THOC2: variants seen among roughly 807,000 people sequenced by gnomAD.
THOC2 encodes the protein THO complex subunit 2.
Under a neutral mutation model 128.4 loss-of-function variants are expected in THOC2, and 10 were observed. The ratio of observed to expected loss-of-function variants is 0.08; its 90% CI spans 0.05 to 0.13. The LOEUF (loss-of-function observed/expected upper bound fraction) is 0.13. THOC2 is among the 10% of genes least tolerant of loss of function. The pLI is 1.00. For synonymous variants in THOC2, 393 were observed against 396.9 expected (o/e 0.99, Z 0.12); for missense variants, 535 against 1,155.7 (o/e 0.46, Z 7.79).
chrX:123,657,737 T>C (rs1171052338), intron 12 of THOC2, among the ~76,000 whole-genome samples: 1 of 111,276 alleles, frequency 9.0e-6, no homozygotes, highest in Non-Finnish European at 1.9e-5. Flanking sequence ...TGAGGGAATT[T>C]GTTGCCAGTA....
At chrX:123,639,068 A>G in intron 16 of THOC2, 41 bp from the exon 17 acceptor site, 1 of 733,680 alleles carries the variant, frequency 1.4e-6, no homozygotes, top group Non-Finnish European at 2.0e-6. Context: ...TTAACTGATC[A>G]AAGGATTTCT....
intron 12 of THOC2, among the ~76,000 whole-genome samples, chrX:123,657,228 C>T (rs1279675224): frequency 9.1e-6 from 1 of 109,855 alleles, no homozygotes; most frequent in Non-Finnish European, 1.9e-5. Context: ...TGATAAAAGG[C>T]AGAACAGAAT....
chrX:123,704,730 C>T (rs1021634221), intron 3 of THOC2, among the ~76,000 whole-genome samples: 1 of 111,141 alleles, frequency 9.0e-6, no homozygotes, highest in Non-Finnish European at 1.9e-5. Flanking sequence ...TGGTGGCATG[C>T]GCCTGTAATC....
intron 15 of THOC2, among the ~76,000 whole-genome samples, chrX:123,644,083 AAAT>A (rs1291218633): frequency 1.8e-5 from 2 of 112,532 alleles, no homozygotes; most frequent in African/African-American, 6.4e-5. Flanking sequence ...AATGATATGA[AAAT>A]AAAAGTGTAC....
At chrX:123,716,606 G>A (rs2051425638) in intron 1 of THOC2, among the ~76,000 whole-genome samples, 1 of 109,619 alleles carries the variant, frequency 9.1e-6, no homozygotes, top group Non-Finnish European at 1.9e-5. Context: ...GCAGGCGCGT[G>A]TAGACCCAGC....
At chrX:123,674,463 G>A (rs989977338) in intron 8 of THOC2, among the ~76,000 whole-genome samples, 1 of 111,939 alleles carries the variant, frequency 8.9e-6, no homozygotes, top group Admixed American at 9.5e-5. Flanking sequence ...TAAATCCAAA[G>A]TGAGTTCCTT....
intron 4 of THOC2, among the ~76,000 whole-genome samples, chrX:123,700,450 G>A (rs781072129): frequency 1.6e-4 from 16 of 100,224 alleles, no homozygotes; most frequent in East Asian, 1.3e-3. Context: ...GCAGCAAGCC[G>A]AGATTGCACC....
At chrX:123,698,269 C>T (rs916959583) in intron 4 of THOC2, among the ~76,000 whole-genome samples, 1 of 109,657 alleles carries the variant, frequency 9.1e-6, no homozygotes, top group South Asian at 3.9e-4. Context: ...ACCAGCCTGA[C>T]CAACATGGTG....
Position 123,621,495 on chromosome X carries a change from C to T in THOC2, c.3878G>A (p.Arg1293Lys). Residue 1293 changes from arginine to lysine, a missense_variant, in exon 31 of 39, where the codon AGG becomes AAG. Physicochemically the swap from Arg to Lys is conservative, Grantham distance 26. Coordinates refer to ENST00000245838, the MANE Select transcript of THOC2 (RefSeq NM_001081550.2). ...TTCTTTACCATCTTTACCAAGTACC[C>T]TGGCCTCTGGAGTAGTAGCTGGAGT... is the stretch of plus-strand genomic sequence containing the variant. ...EKTPATTPEA[R>K]VLGKDGKEKP... 1 of 1,208,735 alleles carries T rather than the reference C, an allele frequency of 8.3e-7. No homozygotes were observed. The highest frequency in any genetic ancestry group is 1.1e-6 in the Non-Finnish European group (1 of 894,761).
At chrX:123,718,591 T>A (rs2051533075) in intron 1 of THOC2, among the ~76,000 whole-genome samples, 1 of 111,073 alleles carries the variant, frequency 9.0e-6, no homozygotes, top group Non-Finnish European at 1.9e-5. Context: ...GAAACCCTTC[T>A]CTACTAAAAA....
intron 7 of THOC2, among the ~76,000 whole-genome samples, chrX:123,688,738 T>C (rs192186399): frequency 2.3e-4 from 26 of 111,295 alleles, no homozygotes; most frequent in Admixed American, 2.3e-3. Context: ...TTTTCACAGA[T>C]GTATACATAT....
At chrX:123,661,275 G>T (rs1334550144) in intron 12 of THOC2, among the ~76,000 whole-genome samples, 1 of 110,989 alleles carries the variant, frequency 9.0e-6, no homozygotes, top group South Asian at 3.9e-4. Flanking sequence ...CGTGGTGGCG[G>T]GCACCTGTAA....
intron 33 of THOC2, among the ~76,000 whole-genome samples, chrX:123,615,006 G>A (rs1400335974): frequency 8.9e-6 from 1 of 111,879 alleles, no homozygotes; most frequent in Admixed American, 9.5e-5. Context: ...CTTCTTAGGT[G>A]AGTTGTAAAT....
At chrX:123,607,418 G>T (rs1203905199) in intron 38 of THOC2, among the ~76,000 whole-genome samples, 1 of 108,924 alleles carries the variant, frequency 9.2e-6, no homozygotes, top group East Asian at 2.9e-4. Context: ...TGGTACTACA[G>T]GTGCATACTA....
At chrX:123,663,662 G>T (rs1314919781) in intron 12 of THOC2, among the ~76,000 whole-genome samples, 2 of 107,574 alleles carry the variant, frequency 1.9e-5, no homozygotes, top group East Asian at 5.8e-4. Flanking sequence ...GGGTACATGT[G>T]CACAATGTGC....
rs188623979 is a variant in THOC2, at chrX:123,648,008, T to C, written c.1387-2633A>G. Among the ~76,000 whole-genome samples, 636 of 110,925 alleles carry C rather than the reference T, an allele frequency of 5.7e-3. 4 individuals carry two copies. Among genetic ancestry groups the C allele is most frequent in the Middle Eastern group, 0.023 (5 of 216 alleles). ...GAACTCTCAGAAATCACGGGTTCGG[T>C]GGCTGGCAAGAAAGCCAAATAGGAA... On this transcript the variant is annotated intron_variant, in intron 12 of 38. Coordinates refer to ENST00000245838, the MANE Select transcript of THOC2 (RefSeq NM_001081550.2).
chrX:123,681,903 T>C (rs977068366), intron 8 of THOC2, among the ~76,000 whole-genome samples: 12 of 111,452 alleles, frequency 1.1e-4, no homozygotes, highest in Non-Finnish European at 2.1e-4. Context: ...CTACTAAAAA[T>C]ACAAAATTAG....
chrX:123,688,362 A>T (rs983338990), intron 7 of THOC2, among the ~76,000 whole-genome samples: 2 of 112,384 alleles, frequency 1.8e-5, no homozygotes, highest in Non-Finnish European at 3.8e-5. Flanking sequence ...GAAATAAGCC[A>T]GACAAAAACA....
intron 12 of THOC2, among the ~76,000 whole-genome samples, chrX:123,657,964 T>C (rs1225552846): frequency 2.3e-4 from 3 of 12,802 alleles, no homozygotes; most frequent in African/African-American, 1.1e-3. Context: ...CATATGCGTG[T>C]GTGTGTGTGT....
Sources: allele counts gnomAD v4.1 joint callset (sites outside exome capture counted in the v4.1 genomes callset), GRCh38; gene constraint gnomAD v4.1.1; transcripts MANE v1.5; gene names NCBI Gene and HGNC (gene_info 2026-07-23, HGNC 2026-07-21).